ZBTB8A: variants seen among roughly 807,000 people sequenced by gnomAD.
ZBTB8A encodes the protein zinc finger and BTB domain-containing protein 8A.
ZBTB8A carries 19 observed loss-of-function variants against 37.8 expected under a neutral mutation model. That is an observed-to-expected ratio of 0.50 (90% confidence interval 0.35 to 0.74). ZBTB8A has a LOEUF of 0.74. ZBTB8A is among the 30% of genes least tolerant of loss of function. The pLI is 0.01. For synonymous variants in ZBTB8A, 181 were observed against 185.2 expected (o/e 0.98, Z 0.19); for missense variants, 394 against 537.8 (o/e 0.73, Z 2.65).
chr1:32,540,355 T>TA (rs1644043273), intron 1 of ZBTB8A, among the ~76,000 whole-genome samples: 2 of 152,194 alleles, frequency 1.3e-5, no homozygotes, highest in South Asian at 2.1e-4. Context: ...GGTGGGCTTC[T>TA]AACCACACAC....
intron 2 of ZBTB8A, among the ~76,000 whole-genome samples, chr1:32,585,815 A>G (rs1461344310): frequency 6.8e-6 from 1 of 147,104 alleles, no homozygotes; most frequent in Non-Finnish European, 1.5e-5. Context: ...CCAGACTGGC[A>G]AACATGGTGA....
intron 1 of ZBTB8A, among the ~76,000 whole-genome samples, chr1:32,545,520 A>G (rs919708882): frequency 6.6e-6 from 1 of 152,192 alleles, no homozygotes; most frequent in African/African-American, 2.4e-5. Context: ...TCACACAGCT[A>G]ATGATTGGTA....
At chr1:32,551,457 G>A (rs373071927) in intron 1 of ZBTB8A, among the ~76,000 whole-genome samples, 6 of 151,936 alleles carry the variant, frequency 3.9e-5, no homozygotes, top group African/African-American at 1.5e-4. Context: ...GCTCATGCCT[G>A]TAATCCCAGC....
intron 2 of ZBTB8A, among the ~76,000 whole-genome samples, chr1:32,576,255 G>C (rs1644358190): frequency 2.0e-5 from 3 of 152,204 alleles, no homozygotes; most frequent in South Asian, 4.1e-4. Flanking sequence ...AGTATTTACT[G>C]TGTGGCCTTT....
At chr1:32,582,241 G>A (rs1644412440) in intron 2 of ZBTB8A, among the ~76,000 whole-genome samples, 1 of 151,982 alleles carries the variant, frequency 6.6e-6, no homozygotes, top group Non-Finnish European at 1.5e-5. Context: ...GGAGCATTTT[G>A]GATTTTGGAT....
intron 2 of ZBTB8A, among the ~76,000 whole-genome samples, chr1:32,571,449 T>G (rs1318962320): frequency 6.6e-6 from 1 of 152,226 alleles, no homozygotes; most frequent in Non-Finnish European, 1.5e-5. Flanking sequence ...TCTGTTGAGA[T>G]AGCCTTATTT....
At chr1:32,562,023 C>T (rs1381560071) in intron 2 of ZBTB8A, among the ~76,000 whole-genome samples, 2 of 151,876 alleles carry the variant, frequency 1.3e-5, no homozygotes, top group Admixed American at 6.6e-5. Flanking sequence ...GATCATGGCT[C>T]ACTGCAGCCT....
chr1:32,547,902 G>A (rs1269829097), intron 1 of ZBTB8A, among the ~76,000 whole-genome samples: 1 of 150,222 alleles, frequency 6.7e-6, no homozygotes, highest in Non-Finnish European at 1.5e-5. Flanking sequence ...GGGAGGCCGA[G>A]GCAGGTGGAT....
intron 1 of ZBTB8A, among the ~76,000 whole-genome samples, chr1:32,546,459 T>A (rs1236657482): frequency 1.3e-5 from 2 of 149,958 alleles, no homozygotes; most frequent in African/African-American, 2.5e-5. Flanking sequence ...AAAAAATAAA[T>A]AAATAAATAA....
In ZBTB8A at chr1:32,592,966, A is replaced by C; in HGVS notation, c.35A>C (p.Gln12Pro). Residue 12 changes from glutamine to proline, a missense_variant, in exon 3 of 5, where the codon CAG (glutamine) becomes CCG (proline). By Grantham distance (76) the Gln-to-Pro change is moderately conservative. Coordinates refer to ENST00000373510, the MANE Select transcript of ZBTB8A (RefSeq NM_001040441.3). Reference protein sequence around the residue: ...EISSHQSHLLQQLNEQRRQDV... With the variant: ...EISSHQSHLLPQLNEQRRQDV... ...TCCTCTCATCAGTCTCACCTCCTGCAGCAACTGAACGAGCAGCGCAGGCAA... is the reference window on the plus strand; with the variant it reads ...TCCTCTCATCAGTCTCACCTCCTGCCGCAACTGAACGAGCAGCGCAGGCAA... 6.2e-7 allele frequency: 1 copy of C among 1,613,588 alleles called. No individual in the cohort carries two copies. The highest frequency in any genetic ancestry group is 8.5e-7 in the Non-Finnish European group (1 of 1,179,676).
chr1:32,540,102 G>T (rs1315786910), intron 1 of ZBTB8A, among the ~76,000 whole-genome samples: 1 of 152,090 alleles, frequency 6.6e-6, no homozygotes, highest in Non-Finnish European at 1.5e-5. Flanking sequence ...GTCAAGATGC[G>T]ACATCTGGGC....
intron 1 of ZBTB8A, among the ~76,000 whole-genome samples, chr1:32,543,922 C>T (rs1190874516): frequency 3.9e-5 from 6 of 152,132 alleles, no homozygotes; most frequent in Non-Finnish European, 5.9e-5. Context: ...ATGATCCGCC[C>T]GCCTCGGCCT....
At chr1:32,553,234 A>G (rs866513295) in intron 1 of ZBTB8A, among the ~76,000 whole-genome samples, 22 of 151,980 alleles carry the variant, frequency 1.4e-4, no homozygotes, top group African/African-American at 4.6e-4. Flanking sequence ...TAATTTTTGT[A>G]TACTTAATAG....
At chr1:32,574,008 G>A (rs1163279961) in intron 2 of ZBTB8A, among the ~76,000 whole-genome samples, 4 of 151,512 alleles carry the variant, frequency 2.6e-5, no homozygotes, top group African/African-American at 4.8e-5. Flanking sequence ...CCCGGGAGGC[G>A]GAGGTTGCAG....
rs1016092813 is a variant in ZBTB8A, at chr1:32,604,815, A to T, written c.*4396A>T. The T allele has an allele frequency of 3.3e-5, 5 of 152,072 alleles. No individual in the cohort carries two copies. Among genetic ancestry groups the T allele is most frequent in the African/African-American group, 1.2e-4 (5 of 41,410 alleles). 9.4% of individuals were successfully genotyped at this position (152,072 alleles called of 1,614,324 possible). A position where few individuals can be genotyped will look rare whatever the true frequency, so the allele number is the denominator to read the frequency against. On this transcript the variant is annotated 3_prime_UTR_variant, in exon 5 of 5. Coordinates refer to ENST00000373510, the MANE Select transcript of ZBTB8A (RefSeq NM_001040441.3). The stretch of plus-strand genomic sequence containing the variant: ...TTTTAAAATTTTTTTTAGTCCTAAA[A>T]TTAATAAGTATGGAAAATCACTAAA...
intron 1 of ZBTB8A, among the ~76,000 whole-genome samples, chr1:32,546,800 A>T (rs7513806): frequency 0.11 from 17,300 of 152,282 alleles, 1,085 homozygotes; most frequent in African/African-American, 0.18. Flanking sequence ...CACGGAGGGC[A>T]TAGCGGATGC....
At chr1:32,544,867 AT>A (rs1277719475) in intron 1 of ZBTB8A, among the ~76,000 whole-genome samples, 1 of 152,186 alleles carries the variant, frequency 6.6e-6, no homozygotes, top group Non-Finnish European at 1.5e-5. Context: ...ATTCCATTGT[AT>A]GGGTATACCA....
At chr1:32,547,857 G>T (rs1389161826) in intron 1 of ZBTB8A, among the ~76,000 whole-genome samples, 3 of 134,968 alleles carry the variant, frequency 2.2e-5, no homozygotes, top group African/African-American at 8.5e-5. Flanking sequence ...AAAAAGACCA[G>T]GCGCAGTGGC....
Position 32,558,353 on chromosome 1 carries a change from T to C in ZBTB8A, c.-2+4813T>C, listed in dbSNP as rs1053939740. 7.2e-5 allele frequency among the ~76,000 whole-genome samples: 11 copies of C among 152,192 alleles called. No homozygotes were observed. The East Asian group carries it at 1.5e-3, about 21-fold the overall frequency. On this transcript the variant is annotated intron_variant, in intron 2 of 4. Transcript: ENST00000373510. The stretch of plus-strand genomic sequence containing the variant: ...CTGTCTCACCCCTCCCTCCTTCTTA[T>C]CTACAGTAGTTAGCTACTTAGAGAA...
Sources: allele counts gnomAD v4.1 joint callset (sites outside exome capture counted in the v4.1 genomes callset), GRCh38; gene constraint gnomAD v4.1.1; transcripts MANE v1.5; gene names NCBI Gene and HGNC (gene_info 2026-07-23, HGNC 2026-07-21).